The following MYO5B variants were observed in gnomAD, a reference collection of about 807,000 sequenced individuals.
MYO5B encodes unconventional myosin-Vb.
Under a neutral mutation model 229.3 loss-of-function variants are expected in MYO5B, and 143 were observed. That is an observed-to-expected ratio of 0.62 (90% CI 0.54 to 0.72). The LOEUF (loss-of-function observed/expected upper bound fraction) is 0.72, where lower values mean the gene tolerates loss of function less well. Ranked by LOEUF, MYO5B falls within the 30% of genes least tolerant of loss-of-function variation. The pLI is 0.00. For synonymous variants in MYO5B, 918 were observed against 885.2 expected, an observed-to-expected ratio of 1.04 and a Z score of -0.66; for missense variants, 2,321 against 2,331.0, an observed-to-expected ratio of 1.00 and a Z score of 0.09.
chr18:49,831,641 C>A (rs988760752), intron 39 of MYO5B, among the ~76,000 whole-genome samples: 1 of 152,158 alleles, frequency 6.6e-6, no homozygotes, highest in Non-Finnish European at 1.5e-5. Context: ...GAAACTGGAA[C>A]TCTCATGCAT....
intron 14 of MYO5B, among the ~76,000 whole-genome samples, chr18:49,948,574 A>G (rs1365327217): frequency 5.3e-5 from 8 of 152,250 alleles, no homozygotes; most frequent in African/African-American, 7.2e-5. Context: ...AGAACATTTT[A>G]TAGTATGTTT....
chr18:49,955,356 C>T (rs2025481026), intron 12 of MYO5B, among the ~76,000 whole-genome samples: 1 of 152,208 alleles, frequency 6.6e-6, no homozygotes, highest in African/African-American at 2.4e-5. Context: ...AGCAACTCTT[C>T]CAATGGGAAG....
At chr18:49,842,104 A>AG (rs1351943342) in intron 34 of MYO5B, among the ~76,000 whole-genome samples, 2 of 152,122 alleles carry the variant, frequency 1.3e-5, no homozygotes, top group Admixed American at 1.3e-4. Context: ...AGAAAAAAAA[A>AG]AAAAAAGAAA....
Position 50,162,501 on chromosome 18 carries a change from G to A in MYO5B, c.27+32266C>T, listed in dbSNP as rs16951612. Among the ~76,000 whole-genome samples the A allele has an allele frequency of 9.2e-5, 14 of 152,246 alleles. No homozygotes were observed. In the East Asian group the frequency reaches 2.1e-3, roughly 23 times the overall value. The stretch of plus-strand genomic sequence containing the variant: ...TAGACAACTCTTTTCTTCAAAGAGC[G>A]TATTTTCCATGAGATTGCCAACGAT... On this transcript the variant is annotated intron_variant, in intron 1 of 39. Transcript: ENST00000285039.
At chr18:49,993,969 C>T (rs1191914895) in intron 5 of MYO5B, among the ~76,000 whole-genome samples, 1 of 152,162 alleles carries the variant, frequency 6.6e-6, no homozygotes, top group African/African-American at 2.4e-5. Flanking sequence ...CGGCTTCTAA[C>T]AATCCTAACT....
chr18:50,017,888 A>C (rs2026232744), intron 4 of MYO5B, among the ~76,000 whole-genome samples: 1 of 152,214 alleles, frequency 6.6e-6, no homozygotes, highest in Non-Finnish European at 1.5e-5. Flanking sequence ...GTTAACATTA[A>C]ATTCTAATTA....
rs1455623449 is a variant in MYO5B, at chr18:49,872,223, G to T, written c.3547C>A (p.Pro1183Thr). Reference protein sequence around the residue: ...QDSKKVQAEPPQTDIDLDPNA... With the variant: ...QDSKKVQAEPTQTDIDLDPNA... ...GGGTCCAAATCTATGTCAGTCTGTG[G>T]TGGTTCCGCCTGCATGGATAGAGAC... Residue 1183 changes from proline (P) to threonine (T), a missense_variant, in exon 27 of 40, where the codon CCA becomes ACA. Transcript: ENST00000285039. 6.2e-7 allele frequency: 1 copy of T among 1,614,074 alleles called. No individual in the cohort carries two copies. The highest frequency in any genetic ancestry group is 8.5e-7 in the Non-Finnish European group (1 of 1,179,972).
intron 4 of MYO5B, among the ~76,000 whole-genome samples, chr18:50,005,556 A>C (rs1235349756): frequency 6.6e-6 from 1 of 152,214 alleles, no homozygotes; most frequent in African/African-American, 2.4e-5. Flanking sequence ...TATTATAGGC[A>C]TAGGCATAGG....
intron 18 of MYO5B, among the ~76,000 whole-genome samples, chr18:49,907,726 G>A (rs890395424): frequency 1.3e-5 from 2 of 152,398 alleles, no homozygotes; most frequent in East Asian, 3.9e-4. Flanking sequence ...TCCACACACA[G>A]GGAAGGCTGT....
In MYO5B at chr18:49,899,366, A is replaced by G. The variant is rs138482738; in HGVS notation, c.2811+3228T>C. Among the ~76,000 whole-genome samples the G allele has an allele frequency of 2.4e-3, 370 of 152,330 alleles. 2 individuals carry two copies. The highest frequency in any genetic ancestry group is 8.6e-3 in the African/African-American group (356 of 41,568). ...TTATGTCAATGCTTCCTCTTGTAAC[A>G]GAGTGTCAAGCATGTTATTTGACAC... On this transcript the variant is annotated intron_variant, in intron 21 of 39. Transcript: ENST00000285039.
chr18:50,168,117 G>C (rs940763129), intron 1 of MYO5B, among the ~76,000 whole-genome samples: 2 of 152,170 alleles, frequency 1.3e-5, no homozygotes, highest in Non-Finnish European at 2.9e-5. Context: ...TTGATAGATT[G>C]CTAATTAAAA....
At chr18:49,886,240 C>T (rs1044840389) in intron 22 of MYO5B, among the ~76,000 whole-genome samples, 2 of 152,194 alleles carry the variant, frequency 1.3e-5, no homozygotes, top group Non-Finnish European at 2.9e-5. Context: ...CGGCACCTGA[C>T]CAACACTTTT....
At chr18:50,055,666 C>A (rs899307573) in intron 1 of MYO5B, among the ~76,000 whole-genome samples, 29 of 152,246 alleles carry the variant, frequency 1.9e-4, no homozygotes, top group African/African-American at 6.7e-4. Context: ...TTTATATACA[C>A]TAGATATTGC....
At chr18:50,056,851 C>A (rs2030563590) in intron 1 of MYO5B, among the ~76,000 whole-genome samples, 1 of 151,530 alleles carries the variant, frequency 6.6e-6, no homozygotes, top group African/African-American at 2.4e-5. Flanking sequence ...AATCAGAATA[C>A]CAGTCAATGA....
intron 10 of MYO5B, among the ~76,000 whole-genome samples, chr18:49,969,293 T>C (rs1228035477): frequency 6.6e-6 from 1 of 152,216 alleles, no homozygotes; most frequent in Non-Finnish European, 1.5e-5. Context: ...TTTGAGGTTA[T>C]TTATGTTTAT....
intron 4 of MYO5B, among the ~76,000 whole-genome samples, chr18:50,020,934 T>C (rs1008778058): frequency 1.3e-5 from 2 of 152,232 alleles, no homozygotes; most frequent in African/African-American, 4.8e-5. Flanking sequence ...GCTGCTCTGT[T>C]TCTAGGGCAG....
At chr18:50,001,515 C>T (rs138565573) in intron 4 of MYO5B, 104 bp from the exon 5 acceptor site, 1 of 1,372,796 alleles carries the variant, frequency 7.3e-7, no homozygotes, top group Non-Finnish European at 1.0e-6. Context: ...GAGCATCTCT[C>T]CTACTTTAAT....
chr18:49,908,426 C>A (rs1198108007), intron 18 of MYO5B, among the ~76,000 whole-genome samples: 1 of 152,238 alleles, frequency 6.6e-6, no homozygotes, highest in Non-Finnish European at 1.5e-5. Context: ...CCATTCCAAG[C>A]CACTCCTTTT....
At chr18:50,166,198 C>A (rs1297513612) in intron 1 of MYO5B, among the ~76,000 whole-genome samples, 1 of 152,162 alleles carries the variant, frequency 6.6e-6, no homozygotes, top group East Asian at 1.9e-4. Flanking sequence ...ATTTTATGAG[C>A]AATTCCTCAG....
Sources: gnomAD v4.1 joint callset for allele counts (sites outside exome capture counted in the v4.1 genomes callset) on GRCh38, gnomAD v4.1.1 for gene constraint, MANE v1.5 for transcripts, NCBI Gene and HGNC (gene_info 2026-07-23, HGNC 2026-07-21) for gene names.